Variants in CDH4 observed in about 807,000 individuals in gnomAD.
CDH4 encodes cadherin-4.
A neutral mutation model predicts 86.0 loss-of-function variants in CDH4; 33 were observed. The ratio of observed to expected loss-of-function variants is 0.38; its 90% CI spans 0.29 to 0.51. CDH4 has a LOEUF of 0.51. CDH4 is among the 20% of genes least tolerant of loss of function. CDH4 has a pLI of 0.86. For synonymous variants in CDH4, 555 were observed against 549.4 expected, an observed-to-expected ratio of 1.01 and a Z score of -0.14; for missense variants, 1,114 against 1,307.4, an observed-to-expected ratio of 0.85 and a Z score of 2.28.
At chr20:61,515,444 A>T (rs980922401) in intron 2 of CDH4, among the ~76,000 whole-genome samples, 2 of 152,206 alleles carry the variant, frequency 1.3e-5, no homozygotes, top group African/African-American at 2.4e-5. Context: ...TTTTCCCTGG[A>T]TGGGAAGGGG....
chr20:61,882,967 T>A (rs1984354020), intron 7 of CDH4, among the ~76,000 whole-genome samples: 1 of 152,184 alleles, frequency 6.6e-6, no homozygotes, highest in Admixed American at 6.5e-5. Context: ...GCGCATCTCC[T>A]GCTCTGTCCA....
intron 2 of CDH4, among the ~76,000 whole-genome samples, chr20:61,389,907 A>T (rs1358567969): frequency 1.3e-5 from 2 of 151,180 alleles, no homozygotes; most frequent in African/African-American, 4.9e-5. Context: ...GGGTGCCCAT[A>T]GCACCATGTC....
Position 61,817,874 on chromosome 20 carries a change from C to T in CDH4, c.577-26794C>T, listed in dbSNP as rs372304573. On this transcript the variant is annotated intron_variant, in intron 4 of 15. Transcript: ENST00000614565. ...TCCCAGGAGGCCATAGGGAGCCAGC[C>T]AGGGTTCTGAGCAGCAGCAGGACAC... Among the ~76,000 whole-genome samples, 176 of 152,334 alleles carry T rather than the reference C, an allele frequency of 1.2e-3. 1 individual carries two copies. Among genetic ancestry groups the T allele is most frequent in the Middle Eastern group, 0.01 (3 of 294 alleles).
At chr20:61,679,293 G>A (rs1256460480) in intron 2 of CDH4, among the ~76,000 whole-genome samples, 2 of 152,124 alleles carry the variant, frequency 1.3e-5, no homozygotes, top group East Asian at 1.9e-4. Context: ...TTGCAGCATA[G>A]TATAGAACAG....
At chr20:61,907,191 C>A (rs1290112610) in intron 8 of CDH4, among the ~76,000 whole-genome samples, 2 of 152,134 alleles carry the variant, frequency 1.3e-5, no homozygotes, top group African/African-American at 4.8e-5. Flanking sequence ...ACCCCCAGGC[C>A]CCCCCGGGCA....
At chr20:61,657,095 G>C (rs546655028) in intron 2 of CDH4, among the ~76,000 whole-genome samples, 1 of 152,300 alleles carries the variant, frequency 6.6e-6, no homozygotes, top group East Asian at 1.9e-4. Flanking sequence ...CTAATGACTG[G>C]GCTTATGCCA....
At chr20:61,748,164 G>T (rs1029034576) in intron 3 of CDH4, among the ~76,000 whole-genome samples, 1 of 152,068 alleles carries the variant, frequency 6.6e-6, no homozygotes, top group African/African-American at 2.4e-5. Context: ...ACAGAGTCTC[G>T]CTCTGTTGCC....
intron 3 of CDH4, among the ~76,000 whole-genome samples, chr20:61,770,294 GA>G (rs779023359): frequency 3.3e-5 from 5 of 152,190 alleles, no homozygotes; most frequent in Non-Finnish European, 7.4e-5. Context: ...TGGTGGTGTG[GA>G]CCCCCACTGC....
At chr20:61,870,178 C>T (rs1234781360) in intron 6 of CDH4, among the ~76,000 whole-genome samples, 1 of 152,168 alleles carries the variant, frequency 6.6e-6, no homozygotes, top group Non-Finnish European at 1.5e-5. Flanking sequence ...AGCCCAGATC[C>T]TGGACCCCAG....
intron 6 of CDH4, among the ~76,000 whole-genome samples, chr20:61,857,316 C>CCTAA (rs1983064678): frequency 6.6e-6 from 1 of 152,210 alleles, no homozygotes; most frequent in South Asian, 2.1e-4. Flanking sequence ...CGTATGTGAC[C>CCTAA]CTAAGGCTGG....
intron 2 of CDH4, among the ~76,000 whole-genome samples, chr20:61,409,642 G>T (rs761030576): frequency 6.6e-5 from 10 of 152,232 alleles, no homozygotes; most frequent in Non-Finnish European, 1.5e-4. Context: ...AGGCAGAGCC[G>T]CTGCGTGTGA....
intron 4 of CDH4, among the ~76,000 whole-genome samples, chr20:61,832,770 G>A (rs775421684): frequency 6.6e-6 from 1 of 152,072 alleles, no homozygotes; most frequent in Non-Finnish European, 1.5e-5. Flanking sequence ...ATTCGGGTGG[G>A]GACACAAAGT....
intron 3 of CDH4, 25 bp downstream of exon 3, chr20:61,743,814 C>T (rs556141129): frequency 1.0e-5 from 16 of 1,535,084 alleles, no homozygotes; most frequent in Admixed American, 7.6e-5. Context: ...CCCGGGTCTG[C>T]GCTGGAGTTT....
At chr20:61,688,163 G>A (rs939014151) in intron 2 of CDH4, among the ~76,000 whole-genome samples, 5 of 152,080 alleles carry the variant, frequency 3.3e-5, no homozygotes, top group Non-Finnish European at 7.4e-5. Flanking sequence ...GCTCATAGGG[G>A]TCAATGTTAG....
At chr20:61,620,229 G>A in intron 2 of CDH4, among the ~76,000 whole-genome samples, 1 of 151,772 alleles carries the variant, frequency 6.6e-6, no homozygotes, top group East Asian at 1.9e-4. Flanking sequence ...CTGGTAGGCA[G>A]ACAGACAGAC....
At chr20:61,282,662 T>C (rs2084266246) in intron 2 of CDH4, among the ~76,000 whole-genome samples, 1 of 152,202 alleles carries the variant, frequency 6.6e-6, no homozygotes, top group South Asian at 2.1e-4. Flanking sequence ...CATATGTGGG[T>C]GCCTTGTGCA....
intron 2 of CDH4, among the ~76,000 whole-genome samples, chr20:61,294,977 G>A (rs1240128822): frequency 6.6e-6 from 1 of 152,240 alleles, no homozygotes. Context: ...GAGCTGTTGA[G>A]GAAAAAGAAA....
At chr20:61,890,886 C>G (rs1451990049) in intron 7 of CDH4, among the ~76,000 whole-genome samples, 2 of 152,130 alleles carry the variant, frequency 1.3e-5, no homozygotes, top group Non-Finnish European at 2.9e-5. Context: ...CAAAGCTGGA[C>G]AAGACTCAGT....
chr20:61,407,967 AGC>A lies in CDH4; in HGVS notation c.169+153031_169+153032del, dbSNP rs1437922309. Among the ~76,000 whole-genome samples the A allele has an allele frequency of 8.5e-5, 13 of 152,342 alleles. No individual in the cohort carries two copies. In the East Asian group the frequency reaches 2.5e-3, roughly 29 times the overall value. On this transcript the variant is annotated intron_variant, in intron 2 of 15. Transcript: ENST00000614565. ...AGAGGACGACAATCTCAGTGGCTTA[AGC>A]AACAGAAGAGAATTCTCTTACTGAA...
Sources: allele counts gnomAD v4.1 joint callset (sites outside exome capture counted in the v4.1 genomes callset), GRCh38; gene constraint gnomAD v4.1.1; transcripts MANE v1.5; gene names NCBI Gene and HGNC (gene_info 2026-07-23, HGNC 2026-07-21).